MYL3: variants seen among roughly 807,000 people sequenced by gnomAD.
MYL3 encodes CMLC1.
Under a neutral mutation model 21.3 loss-of-function variants are expected in MYL3, and 11 were observed. The observed-to-expected ratio is 0.52, with a 90% CI of 0.32 to 0.85. The LOEUF (loss-of-function observed/expected upper bound fraction) is 0.85. MYL3 is among the 40% of genes least tolerant of loss of function. The pLI, the probability that MYL3 is intolerant of heterozygous loss-of-function variation, is 0.03. For missense variants in MYL3, 206 were observed against 253.3 expected (o/e 0.81, Z 1.27); for synonymous variants, 88 against 91.6 (o/e 0.96, Z 0.22).
chr3:46,876,081 G>A (rs2030196097), intron 1 of MYL3, among the ~76,000 whole-genome samples: 1 of 152,250 alleles, frequency 6.6e-6, no homozygotes. Context: ...TCCCAGGTCT[G>A]CTTGCATCCA....
At chr3:46,864,532 G>A (rs947212647), upstream of MYL3, among the ~76,000 whole-genome samples, 18 of 152,120 alleles carry the variant, frequency 1.2e-4, no homozygotes, top group Non-Finnish European at 5.9e-5. This position sits in a 1 kb window ranked among gnomAD's most constrained non-coding sequence, Gnocchi z 4.7. Flanking sequence ...GAGTGCCCTC[G>A]CCCCCTCTGC....
intron 1 of MYL3, among the ~76,000 whole-genome samples, chr3:46,876,318 C>T (rs1317518338): frequency 6.6e-6 from 1 of 152,218 alleles, no homozygotes; most frequent in Non-Finnish European, 1.5e-5. Flanking sequence ...GAGGCTCTGG[C>T]AGTCAAGAGC....
At position 46,860,764 on chromosome 3, in the gene MYL3, G is replaced by A. The variant is rs780500137; in HGVS notation, c.219C>T (p.Tyr73=). ...RTPKCEMKIT[Y]GQCGDVLRAL... Reference sequence around the variant, plus strand: ...CCCGCAGGACATCCCCACACTGCCCGTAGGTGATCTTCATCTCACACTTGG... The same window carrying A: ...CCCGCAGGACATCCCCACACTGCCCATAGGTGATCTTCATCTCACACTTGG... Residue 73 remains tyrosine, a synonymous_variant, in exon 3 of 7, where the codon TAC becomes TAT. Coordinates refer to ENST00000292327, the MANE Select transcript of MYL3 (RefSeq NM_000258.3). This position sits in a 1 kb window ranked among gnomAD's most constrained non-coding sequence, Gnocchi z 4.6. 207 of 1,614,028 alleles carry A rather than the reference G, an allele frequency of 1.3e-4. No homozygotes were observed. The highest frequency in any genetic ancestry group is 1.6e-4 in the Non-Finnish European group (185 of 1,180,034).
Position 46,860,827 on chromosome 3 carries a change from T to C in MYL3, c.158-2A>G, listed in dbSNP as rs1701985013. 3 of 1,614,048 alleles carry C rather than the reference T, an allele frequency of 1.9e-6. No homozygotes were observed. The highest frequency in any genetic ancestry group is 2.5e-6 in the Non-Finnish European group (3 of 1,179,968). On this transcript the variant is annotated splice_acceptor_variant, in intron 2 of 6. Coordinates refer to ENST00000292327, the MANE Select transcript of MYL3 (RefSeq NM_000258.3). LOFTEE classifies it high-confidence loss of function. This position sits in a 1 kb window ranked among gnomAD's most constrained non-coding sequence, Gnocchi z 4.6. ...ACAGCATGAAGGCTTCCTTGAACTCTGCCAGGAGAGGGCAGTGAGCCACAG... is the reference window on the plus strand; with the variant it reads ...ACAGCATGAAGGCTTCCTTGAACTCCGCCAGGAGAGGGCAGTGAGCCACAG...
Position 46,860,449 on chromosome 3 carries a change from G to C in MYL3, c.307+227C>G, listed in dbSNP as rs529049155. On this transcript the variant is annotated intron_variant, in intron 3 of 6. Coordinates refer to ENST00000292327, the MANE Select transcript of MYL3 (RefSeq NM_000258.3). This position sits in a 1 kb window ranked among gnomAD's most constrained non-coding sequence, Gnocchi z 4.6. ...TTCTCACTTCTCCATAGGTGTCAGC[G>C]CCTACCACCAGGGGGCCTGGCAAAT... 6.6e-6 allele frequency among the ~76,000 whole-genome samples: 1 copy of C among 152,146 alleles called. No homozygotes were observed. Among genetic ancestry groups the C allele is most frequent in the Non-Finnish European group, 1.5e-5 (1 of 68,022 alleles).
intron 1 of MYL3, among the ~76,000 whole-genome samples, chr3:46,862,903 T>C (rs1296506791): frequency 6.6e-6 from 1 of 152,000 alleles, no homozygotes; most frequent in Admixed American, 6.6e-5. Context: ...ACAAGGAAAA[T>C]CCCTGCCTGG....
chr3:46,858,547 G>T, intron 4 of MYL3, 86 bp from the exon 5 acceptor site: 2 of 1,305,422 alleles, frequency 1.5e-6, no homozygotes, highest in Non-Finnish European at 2.2e-6. Context: ...CTAGATGGTG[G>T]CTCAACCTCT....
At chr3:46,873,611 T>C (rs2030026545) in intron 1 of MYL3, among the ~76,000 whole-genome samples, 1 of 152,176 alleles carries the variant, frequency 6.6e-6, no homozygotes, top group South Asian at 2.1e-4. Context: ...CTCTGCTCGT[T>C]GGGCCAAGAG....
chr3:46,874,699 G>A lies in MYL3; in HGVS notation c.-218+7375C>T, dbSNP rs182451237. 6.6e-6 allele frequency among the ~76,000 whole-genome samples: 1 copy of A among 152,178 alleles called. No individual in the cohort carries two copies. Among genetic ancestry groups the A allele is most frequent in the Non-Finnish European group, 1.5e-5 (1 of 68,038 alleles). On this transcript the variant is annotated intron_variant, in intron 1 of 3. Transcript: ENST00000431168. The surrounding 1 kb of genome is among the most constrained non-coding windows in gnomAD (Gnocchi z 4.1). ...AGAGGCGGAAACACGTGTCAAACAC[G>A]CCTGGGAGGGGGTATTCCGAGGCAC...
Position 46,874,735 on chromosome 3 carries a change from C to CCA in MYL3, c.-218+7337_-218+7338dup, listed in dbSNP as rs1553640539. 3.3e-5 allele frequency among the ~76,000 whole-genome samples: 5 copies of CCA among 151,664 alleles called. No individual in the cohort carries two copies. The highest frequency in any genetic ancestry group is 4.8e-5 in the African/African-American group (2 of 41,252). On this transcript the variant is annotated intron_variant, in intron 1 of 3. Coordinates refer to the MYL3 transcript ENST00000431168. The surrounding 1 kb of genome is among the most constrained non-coding windows in gnomAD (Gnocchi z 4.1). The stretch of plus-strand genomic sequence containing the variant: ...GGTATTCCGAGGCACAGACCCCCCC[C>CCA]CACACACACAATAGGGACGCACTAG...
chr3:46,867,473 CCAT>C (rs1213135323), upstream of MYL3, among the ~76,000 whole-genome samples: 1 of 152,212 alleles, frequency 6.6e-6, no homozygotes, highest in East Asian at 1.9e-4. Context: ...TGAAGAATGT[CCAT>C]CATCCTGTCA....
rs1231133405 is a variant in MYL3 at position 46,860,974 on chromosome 3, G to C, written c.143C>G (p.Pro48Arg). 4 of 1,614,000 alleles carry C rather than the reference G, an allele frequency of 2.5e-6. No homozygotes were observed. Among genetic ancestry groups the C allele is most frequent in the Non-Finnish European group, 3.4e-6 (4 of 1,179,996 alleles). The change falls in exon 2 of 7, where the codon CCT becomes CGT. Residue 48 changes from proline to arginine, a missense_variant. Pro to Arg is a moderately radical substitution (Grantham distance 103). Transcript: ENST00000292327. This position sits in a 1 kb window ranked among gnomAD's most constrained non-coding sequence, Gnocchi z 4.6. ...DASKIKIEFT[P>R]EQIEEFKEAF... is the part of the protein sequence containing the mutation. ...CCCCTGCTCACCTTCAATCTGCTCA[G>C]GTGTGAACTCAATCTGAAAAGAGAC... is the stretch of plus-strand genomic sequence containing the variant.
chr3:46,863,300 G>A lies in MYL3; in HGVS notation c.91C>T (p.Arg31Cys), dbSNP rs377026344. 1.2e-5 allele frequency: 20 copies of A among 1,613,976 alleles called. No individual in the cohort carries two copies. The highest frequency in any genetic ancestry group is 2.7e-5 in the African/African-American group (2 of 74,930). ...GCATCAAACTCGACCTCCTTAGGGC[G>A]CTCAGGCTCAGGGGGAGGTGCGGGA... is the stretch of plus-strand genomic sequence containing the variant. ...PAPAPPPEPE[R>C]PKEVEFDASK... is the part of the protein sequence containing the mutation. The change falls in exon 1 of 7, where the codon CGC becomes TGC. Residue 31 changes from arginine to cysteine, a missense_variant. By Grantham distance (180) the Arg-to-Cys change is radical (BLOSUM62 -3). Coordinates refer to ENST00000292327, the MANE Select transcript of MYL3 (RefSeq NM_000258.3).
At chr3:46,869,593 G>A (rs1702087337) in intron 1 of MYL3, among the ~76,000 whole-genome samples, 1 of 152,266 alleles carries the variant, frequency 6.6e-6, no homozygotes, top group Non-Finnish European at 1.5e-5. Context: ...TGGACAAGAG[G>A]ATGAGGCCAC....
intron 1 of MYL3, among the ~76,000 whole-genome samples, chr3:46,875,421 C>T (rs1368920705): frequency 6.6e-6 from 1 of 152,314 alleles, no homozygotes; most frequent in Admixed American, 6.5e-5. Context: ...GCCAGGTATG[C>T]AGCCTCAGCA....
chr3:46,874,708 G>A lies in MYL3; in HGVS notation c.-218+7366C>T, dbSNP rs1313088606. On this transcript the variant is annotated intron_variant, in intron 1 of 3. Transcript: ENST00000431168. This position sits in a 1 kb window ranked among gnomAD's most constrained non-coding sequence, Gnocchi z 4.1. ...AACACGTGTCAAACACGCCTGGGAG[G>A]GGGTATTCCGAGGCACAGACCCCCC... Among the ~76,000 whole-genome samples the A allele has an allele frequency of 6.6e-6, 1 of 152,114 alleles. No homozygotes were observed. Among genetic ancestry groups the A allele is most frequent in the African/African-American group, 2.4e-5 (1 of 41,372 alleles).
chr3:46,877,128 G>T (rs2030263637), intron 1 of MYL3, among the ~76,000 whole-genome samples: 1 of 152,146 alleles, frequency 6.6e-6, no homozygotes, highest in Non-Finnish European at 1.5e-5. Context: ...ACATTCCAGT[G>T]GGCAAGGAGT....
chr3:46,863,229 C>T (rs374270496), intron 1 of MYL3, 33 bp downstream of exon 1: 33 of 1,613,354 alleles, frequency 2.0e-5, no homozygotes, highest in African/African-American at 2.7e-5. Flanking sequence ...ACTTGCCCTG[C>T]TCCTATTGCC....
At position 46,879,007 on chromosome 3, in the gene MYL3, C is replaced by T. The variant is rs1309931219; in HGVS notation, c.-218+3067G>A. Reference sequence around the variant, plus strand: ...CCTGGGGCGTGCTTGTCAAAAAGGGCAAGCTGACTCTGCCAGGTGCTTGGG... The same window carrying T: ...CCTGGGGCGTGCTTGTCAAAAAGGGTAAGCTGACTCTGCCAGGTGCTTGGG... On this transcript the variant is annotated intron_variant, in intron 1 of 3. Transcript: ENST00000431168. The surrounding 1 kb of genome is among the most constrained non-coding windows in gnomAD (Gnocchi z 4.7). 6.6e-6 allele frequency among the ~76,000 whole-genome samples: 1 copy of T among 152,220 alleles called. No homozygotes were observed. Among genetic ancestry groups the T allele is most frequent in the Non-Finnish European group, 1.5e-5 (1 of 68,034 alleles).
Sources: gnomAD v4.1 joint callset for allele counts (sites outside exome capture counted in the v4.1 genomes callset) on GRCh38, gnomAD v4.1.1 for gene constraint, Gnocchi (gnomAD v3.1) non-coding constraint, MANE v1.5 for transcripts, NCBI Gene and HGNC (gene_info 2026-07-23, HGNC 2026-07-21) for gene names.